The following SLC16A1 variants were observed in gnomAD, a reference collection of about 807,000 sequenced individuals.
SLC16A1 encodes the protein monocarboxylate transporter 1.
A neutral mutation model predicts 32.2 loss-of-function variants in SLC16A1; 11 were observed. That is an observed-to-expected ratio of 0.34 (90% CI 0.21 to 0.56). SLC16A1 has a LOEUF of 0.56. Among genes scored for constraint, SLC16A1 ranks in the 20% least tolerant of loss-of-function variants. The probability of loss-of-function intolerance (pLI) is 0.87; values close to 1 mark genes in which losing one functional copy is unlikely to be tolerated. For missense variants in SLC16A1, 435 were observed against 615.0 expected, an observed-to-expected ratio of 0.71 and a Z score of 3.10; for synonymous variants, 231 against 226.8, an observed-to-expected ratio of 1.02 and a Z score of -0.17.
At chr1:112,945,650 G>A (rs1209018845) in intron 1 of SLC16A1, among the ~76,000 whole-genome samples, 1 of 149,894 alleles carries the variant, frequency 6.7e-6, no homozygotes, top group Non-Finnish European at 1.5e-5. Flanking sequence ...ACTCCAGCCT[G>A]GGCGATGGAG....
intron 1 of SLC16A1, among the ~76,000 whole-genome samples, chr1:112,932,623 G>GAAACCCCGTCTCTACTAAAGATACAAA (rs1174207611): frequency 1.3e-5 from 2 of 151,840 alleles, no homozygotes; most frequent in Admixed American, 1.3e-4. Flanking sequence ...CCAACATGGT[G>GAAACCCCGTCTCTACTAAAGATACAAA]AAACCCCGTC....
chr1:112,927,504 A>G (rs1222176150), intron 2 of SLC16A1, among the ~76,000 whole-genome samples: 1 of 152,174 alleles, frequency 6.6e-6, no homozygotes, highest in Non-Finnish European at 1.5e-5. Context: ...AGTGATGAAA[A>G]CTATTAGGGG....
intron 1 of SLC16A1, among the ~76,000 whole-genome samples, chr1:112,943,475 C>A (rs957279501): frequency 1.3e-5 from 2 of 152,124 alleles, no homozygotes; most frequent in Admixed American, 1.3e-4. Flanking sequence ...CAAACTTCAT[C>A]GTATTGTTTT....
chr1:112,939,747 C>T (rs879539911), intron 1 of SLC16A1, among the ~76,000 whole-genome samples: 2 of 152,086 alleles, frequency 1.3e-5, no homozygotes, highest in Admixed American at 6.6e-5. Context: ...TCAGGTGATC[C>T]ACCCACCTCG....
At chr1:112,914,653 A>G (rs1362357658) in intron 4 of SLC16A1, among the ~76,000 whole-genome samples, 1 of 152,260 alleles carries the variant, frequency 6.6e-6, no homozygotes, top group Non-Finnish European at 1.5e-5. Context: ...TCTTTATAAC[A>G]GGCAGATTCT....
intron 1 of SLC16A1, among the ~76,000 whole-genome samples, chr1:112,942,177 G>A (rs1449600129): frequency 1.3e-5 from 2 of 152,122 alleles, no homozygotes; most frequent in African/African-American, 4.8e-5. Flanking sequence ...TTACCATGAC[G>A]GCCAGGCTGG....
chr1:112,940,051 T>A (rs545815106), intron 1 of SLC16A1, among the ~76,000 whole-genome samples: 160 of 142,280 alleles, frequency 1.1e-3, no homozygotes, highest in African/African-American at 4.4e-3. Context: ...TTTTTTTTTT[T>A]TTTTTTTTTT....
At chr1:112,945,022 G>A (rs185389672) in intron 1 of SLC16A1, among the ~76,000 whole-genome samples, 4,024 of 147,380 alleles carry the variant, frequency 0.027, 187 homozygotes, top group African/African-American at 0.096. Context: ...TGTTTGAGAC[G>A]GAGTCTCTCT....
chr1:112,922,948 G>A (rs1465561990), intron 2 of SLC16A1, among the ~76,000 whole-genome samples: 1 of 151,960 alleles, frequency 6.6e-6, no homozygotes, highest in Admixed American at 6.5e-5. Flanking sequence ...GTCTCACTCT[G>A]TCACCCAAGC....
intron 3 of SLC16A1, among the ~76,000 whole-genome samples, chr1:112,918,699 C>A (rs572240956): frequency 6.6e-6 from 1 of 152,066 alleles, no homozygotes; most frequent in Non-Finnish European, 1.5e-5. Context: ...GCTACTTGGG[C>A]GGCTAAAGCT....
At chr1:112,923,527 A>T in intron 2 of SLC16A1, 1 of 1,068,498 alleles carries the variant, frequency 9.4e-7, no homozygotes, top group Non-Finnish European at 1.5e-6. Flanking sequence ...GCCTTCGTGT[A>T]CAGCGACAGC....
At chr1:112,932,404 A>C (rs1309328154) in intron 1 of SLC16A1, among the ~76,000 whole-genome samples, 2 of 152,078 alleles carry the variant, frequency 1.3e-5, no homozygotes, top group Non-Finnish European at 2.9e-5. Flanking sequence ...GTGGTGGTAC[A>C]CATCTGTAGT....
intron 1 of SLC16A1, among the ~76,000 whole-genome samples, chr1:112,939,485 T>C (rs868655827): frequency 4.8e-4 from 73 of 152,302 alleles, no homozygotes; most frequent in African/African-American, 1.5e-3. Context: ...GCAACCTAAA[T>C]GTCCATCTAC....
chr1:112,920,578 C>T (rs750047177), intron 3 of SLC16A1, among the ~76,000 whole-genome samples: 1 of 151,998 alleles, frequency 6.6e-6, no homozygotes, highest in Non-Finnish European at 1.5e-5. Context: ...AGCAGTCTAG[C>T]CTGGCAGTGA....
Position 112,923,939 on chromosome 1 carries a change from C to T in SLC16A1, c.218-1806G>A. 4 of 1,519,324 alleles carry T rather than the reference C, an allele frequency of 2.6e-6. No homozygotes were observed. In the Admixed American group the frequency reaches 6.7e-5, roughly 25 times the overall value. The allele number at this position is 1,519,324 out of a possible 1,614,324, so 94.1% of individuals were successfully genotyped here. Reference sequence around the variant, plus strand: ...ACTCTGGACTGAGGTTCTATGCCTTCAACCCTCTGGCTGGGGACCTGCTGA... The same window carrying T: ...ACTCTGGACTGAGGTTCTATGCCTTTAACCCTCTGGCTGGGGACCTGCTGA... On this transcript the variant is annotated intron_variant, in intron 2 of 4. Transcript: ENST00000369626.
At chr1:112,929,473 G>C in intron 1 of SLC16A1, 121 bp from the exon 2 acceptor site, 2 of 663,566 alleles carry the variant, frequency 3.0e-6, no homozygotes, top group Non-Finnish European at 5.3e-6. Flanking sequence ...CAGCTACTTG[G>C]GAGGTTGAGG....
chr1:112,919,809 CA>C (rs1328868877), intron 3 of SLC16A1, among the ~76,000 whole-genome samples: 1 of 152,194 alleles, frequency 6.6e-6, no homozygotes, highest in African/African-American at 2.4e-5. Context: ...TGTTGTTATG[CA>C]GGTCTCTACT....
chr1:112,952,024 A>G (rs990578185), intron 1 of SLC16A1, among the ~76,000 whole-genome samples: 14 of 152,204 alleles, frequency 9.2e-5, no homozygotes, highest in African/African-American at 3.1e-4. Context: ...TGCCTCCTGA[A>G]GGAAGTACAC....
At chr1:112,952,037 C>G (rs1405706232) in intron 1 of SLC16A1, among the ~76,000 whole-genome samples, 3 of 152,056 alleles carry the variant, frequency 2.0e-5, no homozygotes, top group Non-Finnish European at 4.4e-5. Context: ...AAGTACACAC[C>G]AATATCTAGG....
Sources: gnomAD v4.1 joint callset for allele counts (sites outside exome capture counted in the v4.1 genomes callset) on GRCh38, gnomAD v4.1.1 for gene constraint, MANE v1.5 for transcripts, NCBI Gene and HGNC (gene_info 2026-07-23, HGNC 2026-07-21) for gene names.